Variants in NAV3 observed in about 807,000 individuals in gnomAD.
The protein encoded by NAV3 is neuron navigator 3.
In NAV3, 87 loss-of-function variants were observed where a neutral mutation model predicts 244.7. The observed-to-expected ratio is 0.36, with a 90% confidence interval of 0.30 to 0.42. The LOEUF (loss-of-function observed/expected upper bound fraction) is 0.42, where lower values mean the gene tolerates loss of function less well. Among genes scored for constraint, NAV3 ranks in the 20% least tolerant of loss-of-function variants. The pLI is 1.00. For synonymous variants in NAV3, 1,126 were observed against 1,042.2 expected, an observed-to-expected ratio of 1.08 and a Z score of -1.55; for missense variants, 2,663 against 2,893.3, an observed-to-expected ratio of 0.92 and a Z score of 1.83.
At chr12:77,897,731 G>A (rs1199377661) in intron 1 of NAV3, among the ~76,000 whole-genome samples, 2 of 151,578 alleles carry the variant, frequency 1.3e-5, no homozygotes, top group African/African-American at 4.9e-5. Flanking sequence ...GGGATTGTTG[G>A]CAGATGTTTG....
chr12:77,975,486 C>T (rs934078505), intron 5 of NAV3, among the ~76,000 whole-genome samples: 3 of 152,142 alleles, frequency 2.0e-5, no homozygotes, highest in East Asian at 1.9e-4. Flanking sequence ...TGTGTGGGAA[C>T]AATTTTTTGC....
chr12:78,104,919 A>G (rs1326212531), intron 12 of NAV3, among the ~76,000 whole-genome samples: 4 of 152,148 alleles, frequency 2.6e-5, no homozygotes, highest in African/African-American at 4.8e-5. Flanking sequence ...CAATGGCTCA[A>G]TCTTTTTAAT....
At chr12:78,054,890 G>A (rs962461352) in intron 11 of NAV3, among the ~76,000 whole-genome samples, 1 of 151,988 alleles carries the variant, frequency 6.6e-6, no homozygotes, top group African/African-American at 2.4e-5. Context: ...AGCTGGAGAC[G>A]GTGAGATATG....
At chr12:77,581,887 A>G (rs1869382410) in intron 2 of NAV3, among the ~76,000 whole-genome samples, 1 of 152,204 alleles carries the variant, frequency 6.6e-6, no homozygotes, top group South Asian at 2.1e-4. Flanking sequence ...TAACTGCATT[A>G]CTAATGGGTT....
chr12:77,887,832 T>A (rs996433441), intron 1 of NAV3, among the ~76,000 whole-genome samples: 1 of 152,166 alleles, frequency 6.6e-6, no homozygotes, highest in Admixed American at 6.6e-5. Context: ...CAAGGTTTTT[T>A]AAGATATGAA....
At chr12:77,577,774 T>G (rs1869160109) in intron 2 of NAV3, among the ~76,000 whole-genome samples, 1 of 152,212 alleles carries the variant, frequency 6.6e-6, no homozygotes, top group Non-Finnish European at 1.5e-5. Flanking sequence ...TTCTGATTTT[T>G]CTTAAATCTT....
chr12:77,976,074 G>A (rs1022562245), intron 5 of NAV3, among the ~76,000 whole-genome samples: 13 of 152,178 alleles, frequency 8.5e-5, no homozygotes, highest in Admixed American at 1.3e-4. Flanking sequence ...GAGACTGTAC[G>A]TTATCGATAT....
At chr12:77,850,170 G>A (rs1299254897) in intron 1 of NAV3, among the ~76,000 whole-genome samples, 1 of 152,174 alleles carries the variant, frequency 6.6e-6, no homozygotes, top group East Asian at 1.9e-4. Context: ...CAGTAAGGAG[G>A]TGGAACATGT....
intron 19 of NAV3, among the ~76,000 whole-genome samples, chr12:78,140,064 C>A (rs1018788062): frequency 3.4e-4 from 52 of 152,138 alleles, no homozygotes; most frequent in African/African-American, 1.3e-3. Context: ...TGTCTAATAA[C>A]TTGGCAACTG....
chr12:77,597,802 A>T (rs1337549814), intron 2 of NAV3, among the ~76,000 whole-genome samples: 2 of 152,110 alleles, frequency 1.3e-5, no homozygotes, highest in Non-Finnish European at 2.9e-5. Flanking sequence ...ATGATTTAAA[A>T]ACTGACAGAG....
At chr12:77,807,265 T>C (rs1872031751) in intron 2 of NAV3, among the ~76,000 whole-genome samples, 2 of 152,236 alleles carry the variant, frequency 1.3e-5, no homozygotes, top group South Asian at 2.1e-4. Flanking sequence ...AGTTTCTTCA[T>C]AGTGTCGATT....
chr12:77,654,806 A>T (rs978352393), intron 2 of NAV3, among the ~76,000 whole-genome samples: 1 of 150,414 alleles, frequency 6.6e-6, no homozygotes, highest in Non-Finnish European at 1.5e-5. Context: ...TTCATGAAAA[A>T]CCACTGTTCT....
intron 22 of NAV3, among the ~76,000 whole-genome samples, chr12:78,153,292 C>G (rs1404217207): frequency 6.6e-6 from 1 of 151,968 alleles, no homozygotes; most frequent in Non-Finnish European, 1.5e-5. Flanking sequence ...AGCCCTTGTT[C>G]AGTAGAATGT....
chr12:77,714,335 G>T (rs1876259839), intron 2 of NAV3, among the ~76,000 whole-genome samples: 1 of 152,082 alleles, frequency 6.6e-6, no homozygotes. Context: ...CTCAGTTCAG[G>T]CTATTTTTTT....
At chr12:77,732,056 A>C (rs1877149277) in intron 2 of NAV3, among the ~76,000 whole-genome samples, 1 of 151,944 alleles carries the variant, frequency 6.6e-6, no homozygotes, top group African/African-American at 2.4e-5. Flanking sequence ...AAAACAAAAA[A>C]ACTTACAAGA....
chr12:77,754,960 T>C (rs1449892130), intron 2 of NAV3, among the ~76,000 whole-genome samples: 3 of 152,224 alleles, frequency 2.0e-5, no homozygotes, highest in Admixed American at 6.5e-5. Flanking sequence ...ATAGAAAATC[T>C]TTTATCAAAA....
intron 9 of NAV3, among the ~76,000 whole-genome samples, chr12:78,039,555 C>T (rs963923134): frequency 6.6e-6 from 1 of 152,092 alleles, no homozygotes; most frequent in African/African-American, 2.4e-5. Flanking sequence ...GGAAGCTGTA[C>T]TCTACATAAC....
intron 2 of NAV3, among the ~76,000 whole-genome samples, chr12:77,685,523 C>T (rs1226792048): frequency 2.9e-5 from 4 of 137,518 alleles, no homozygotes; most frequent in African/African-American, 5.5e-5. Flanking sequence ...ACACGCACAC[C>T]ATTGGTTTTA....
At chr12:77,987,670 A>G (rs1442239756) in intron 5 of NAV3, among the ~76,000 whole-genome samples, 6 of 152,290 alleles carry the variant, frequency 3.9e-5, no homozygotes, top group Non-Finnish European at 8.8e-5. Context: ...AAATTAACAT[A>G]ACATAATTCC....
Sources: allele counts gnomAD v4.1 joint callset (sites outside exome capture counted in the v4.1 genomes callset), GRCh38; gene constraint gnomAD v4.1.1; transcripts MANE v1.5; gene names NCBI Gene and HGNC (gene_info 2026-07-23, HGNC 2026-07-21).